The following CCR1 variants were observed in gnomAD, a reference collection of about 807,000 sequenced individuals.
CCR1 encodes the protein C-C motif chemokine receptor 1.
Under a neutral mutation model 0.3 loss-of-function variants are expected in CCR1, and 1 was observed. That is an observed-to-expected ratio of 3.70 (90% CI 1.31 to 17.54). The LOEUF is 17.54. Among genes scored for constraint, CCR1 ranks in the 30% most tolerant of loss-of-function variants. The probability of loss-of-function intolerance (pLI) is 0.11; values close to 1 mark genes in which losing one functional copy is unlikely to be tolerated. For missense variants in CCR1, 349 were observed against 435.4 expected (o/e 0.80, Z 1.77); for synonymous variants, 207 against 182.5 (o/e 1.13, Z -1.08).
At position 46,204,170 on chromosome 3, in the gene CCR1, G is replaced by C; in HGVS notation, c.144C>G (p.Gly48=). 1.2e-6 allele frequency: 2 copies of C among 1,614,112 alleles called. No individual in the cohort carries two copies. Among genetic ancestry groups the C allele is most frequent in the Non-Finnish European group, 1.7e-6 (2 of 1,180,016 alleles). The change falls in exon 2 of 2, where the codon GGC becomes GGG. Residue 48 remains glycine (G), a synonymous_variant. Coordinates refer to ENST00000296140, the MANE Select transcript of CCR1 (RefSeq NM_001295.3). The part of the protein sequence containing the change: ...PPLYSLVFVI[G]LVGNILVVLV... ...GGACCACCAGGATGTTTCCAACCAG[G>C]CCAATGACAAATACCAAGGAGTACA...
Position 46,204,143 on chromosome 3 carries a change from C to A in CCR1, c.171G>T (p.Leu57=). Residue 57 remains leucine, a synonymous_variant, in exon 2 of 2, where the codon CTG becomes CTT. Transcript: ENST00000296140. The part of the protein sequence containing the change: ...IGLVGNILVV[L]VLVQYKRLKN... The stretch of plus-strand genomic sequence containing the variant: ...TTAGCCTCTTGTATTGCACAAGGAC[C>A]AGGACCACCAGGATGTTTCCAACCA... 1 of 1,614,070 alleles carries A rather than the reference C, an allele frequency of 6.2e-7. No individual in the cohort carries two copies. The highest frequency in any genetic ancestry group is 8.5e-7 in the Non-Finnish European group (1 of 1,180,008).
Position 46,203,917 on chromosome 3 carries a change from G to C in CCR1, c.397C>G (p.Leu133Val), listed in dbSNP as rs372326161. 36 of 1,614,076 alleles carry C rather than the reference G, an allele frequency of 2.2e-5. No homozygotes were observed. The highest frequency in any genetic ancestry group is 2.9e-5 in the Non-Finnish European group (34 of 1,180,044). Residue 133 changes from leucine to valine, a missense_variant, in exon 2 of 2, where the codon CTG (leucine) becomes GTG (valine). Transcript: ENST00000296140. The surrounding 1 kb of genome is among the most constrained non-coding windows in gnomAD (Gnocchi z 4.5). ...GCAAACACGGCGTGGACGATGGCCA[G>C]GTACCTGTCAATCGTCAGCAGGATG... ...FIILLTIDRY[L>V]AIVHAVFALR...
Position 46,204,235 on chromosome 3 carries a change from C to T in CCR1, c.79G>A (p.Val27Met), listed in dbSNP as rs1699626792. 1 of 1,614,022 alleles carries T rather than the reference C, an allele frequency of 6.2e-7. No individual in the cohort carries two copies. The highest frequency in any genetic ancestry group is 1.3e-5 in the African/African-American group (1 of 75,024). The change falls in exon 2 of 2, where the codon GTG (valine) becomes ATG (methionine). Residue 27 changes from valine to methionine, a missense_variant. Physicochemically the swap from Val to Met is conservative, Grantham distance 21. Transcript: ENST00000296140. ...DYGDATPCQK[V>M]NERAFGAQLL... Reference sequence around the variant, plus strand: ...TGGGCCCCAAAGGCCCTCTCGTTCACCTTCTGGCACGGAGTTGCATCCCCA... The same window carrying T: ...TGGGCCCCAAAGGCCCTCTCGTTCATCTTCTGGCACGGAGTTGCATCCCCA...
At position 46,201,919 on chromosome 3, in the gene CCR1, G is replaced by A. The variant is rs201649876; in HGVS notation, c.*1327C>T. 1.4e-4 allele frequency: 22 copies of A among 152,318 alleles called. No homozygotes were observed. Among genetic ancestry groups the A allele is most frequent in the African/African-American group, 4.8e-4 (20 of 41,566 alleles). The allele number at this position is 152,318 out of a possible 1,614,324, so 9.4% of individuals were successfully genotyped here. On this transcript the variant is annotated 3_prime_UTR_variant, in exon 2 of 2. Transcript: ENST00000296140. ...TAGTGGAAGTGTAGGTAATGTCAGTGTTTGGGGTTTTTCTTTGAATTTTTA... is the reference window on the plus strand; with the variant it reads ...TAGTGGAAGTGTAGGTAATGTCAGTATTTGGGGTTTTTCTTTGAATTTTTA...
At chr3:46,208,161 T>C (rs2125921238) in intron 1 of CCR1, 121 bp downstream of exon 1, 1 of 152,348 alleles carries the variant, frequency 6.6e-6, no homozygotes, top group South Asian at 2.1e-4. Context: ...TACTTAGACA[T>C]TTGCCCAGCC....
intron 1 of CCR1, among the ~76,000 whole-genome samples, chr3:46,205,013 G>A (rs1699634344): frequency 6.6e-6 from 1 of 152,220 alleles, no homozygotes; most frequent in Admixed American, 6.5e-5. Context: ...AGCCGAGAGT[G>A]ACCTAGTACC....
chr3:46,204,330 G>C lies in CCR1; in HGVS notation c.-11-6C>G. On this transcript the variant is annotated splice_polypyrimidine_tract_variant and splice_region_variant and intron_variant, in intron 1 of 1. Coordinates refer to ENST00000296140, the MANE Select transcript of CCR1 (RefSeq NM_001295.3). ...AGTTTCCATCCCGGCTTCTCCTACA[G>C]GTTAAAAAAAAAAAAAAGATTTGTC... 1 of 1,462,458 alleles carries C rather than the reference G, an allele frequency of 6.8e-7. No homozygotes were observed. The highest frequency in any genetic ancestry group is 9.1e-7 in the Non-Finnish European group (1 of 1,100,536). The allele number at this position is 1,462,458 out of a possible 1,614,324, so 90.6% of individuals were successfully genotyped here.
chr3:46,204,947 T>G (rs1450076732), intron 1 of CCR1, among the ~76,000 whole-genome samples: 1 of 152,230 alleles, frequency 6.6e-6, no homozygotes, highest in East Asian at 1.9e-4. Flanking sequence ...AAAATGGTCC[T>G]GGCTCAGAGA....
At chr3:46,206,627 G>C (rs1237270618) in intron 1 of CCR1, among the ~76,000 whole-genome samples, 1 of 152,204 alleles carries the variant, frequency 6.6e-6, no homozygotes, top group East Asian at 1.9e-4. Context: ...AGTCAACATT[G>C]TCAGGTGGCA....
Position 46,203,795 on chromosome 3 carries a change from C to G in CCR1, c.519G>C (p.Lys173Asn). ...LASMPGLYFS[K>N]TQWEFTHHTC... ...TGTGGTGAGTGAATTCCCATTGGGT[C>G]TTGGAAAAGTATAAGCCTGGCATGG... The change falls in exon 2 of 2, where the codon AAG (lysine) becomes AAC (asparagine). Residue 173 changes from lysine to asparagine, a missense_variant. Transcript: ENST00000296140. The surrounding 1 kb of genome is among the most constrained non-coding windows in gnomAD (Gnocchi z 4.5). 6.2e-7 allele frequency: 1 copy of G among 1,614,144 alleles called. No individual in the cohort carries two copies. The highest frequency in any genetic ancestry group is 8.5e-7 in the Non-Finnish European group (1 of 1,180,028).
Position 46,203,753 on chromosome 3 carries a change from A to G in CCR1, c.561T>C (p.Phe187=), listed in dbSNP as rs1249536485. ...TCCACTCTCGTAGGCTTTCGTGAGG[A>G]AAGTGAAGGCTGCAGGTGTGGTGAG... ...EFTHHTCSLH[F]PHESLREWKL... Residue 187 remains phenylalanine, a synonymous_variant, in exon 2 of 2, where the codon TTT becomes TTC. Transcript: ENST00000296140. The surrounding 1 kb of genome is among the most constrained non-coding windows in gnomAD (Gnocchi z 4.5). 2 of 1,614,180 alleles carry G rather than the reference A, an allele frequency of 1.2e-6. No homozygotes were observed. The highest frequency in any genetic ancestry group is 8.5e-7 in the Non-Finnish European group (1 of 1,180,012).
At chr3:46,204,480 G>A (rs1559520472) in intron 1 of CCR1, among the ~76,000 whole-genome samples, 156 bp from the exon 2 acceptor site, 1 of 152,196 alleles carries the variant, frequency 6.6e-6, no homozygotes, top group Non-Finnish European at 1.5e-5. Flanking sequence ...GGACAAAATG[G>A]AGTGTTAGAG....
In CCR1 at chr3:46,203,191, A is replaced by G; in HGVS notation, c.*55T>C. The G allele has an allele frequency of 7.6e-7, 1 of 1,315,496 alleles. No individual in the cohort carries two copies. The highest frequency in any genetic ancestry group is 1.1e-6 in the Non-Finnish European group (1 of 934,264). The allele number at this position is 1,315,496 out of a possible 1,614,324, so 81.5% of individuals were successfully genotyped here. A position where few individuals can be genotyped will look rare whatever the true frequency, so the allele number is the denominator to read the frequency against. Reference sequence around the variant, plus strand: ...GCTGGGAGAGCCAGGCTGCTGGCTCAGTGTGCCTGGCAGGTCACGCCTGCT... The same window carrying G: ...GCTGGGAGAGCCAGGCTGCTGGCTCGGTGTGCCTGGCAGGTCACGCCTGCT... On this transcript the variant is annotated 3_prime_UTR_variant, in exon 2 of 2. Transcript: ENST00000296140. This position sits in a 1 kb window ranked among gnomAD's most constrained non-coding sequence, Gnocchi z 4.5.
Position 46,203,076 on chromosome 3 carries a change from C to A in CCR1, c.*170G>T. On this transcript the variant is annotated 3_prime_UTR_variant, in exon 2 of 2. Coordinates refer to ENST00000296140, the MANE Select transcript of CCR1 (RefSeq NM_001295.3). The surrounding 1 kb of genome is among the most constrained non-coding windows in gnomAD (Gnocchi z 4.5). ...GAAGTTCATGGAAAAGACTGAAGCCCCAGAAGCCTCAGAAGCCCCAGGCCA... is the reference window on the plus strand; with the variant it reads ...GAAGTTCATGGAAAAGACTGAAGCCACAGAAGCCTCAGAAGCCCCAGGCCA... 1.8e-6 allele frequency: 1 copy of A among 559,972 alleles called. No individual in the cohort carries two copies. The allele number at this position is 559,972 out of a possible 1,614,324, so 34.7% of individuals were successfully genotyped here.
rs1699610830 is a variant in CCR1, at chr3:46,202,962, T to G, written c.*284A>C. On this transcript the variant is annotated 3_prime_UTR_variant, in exon 2 of 2. Coordinates refer to ENST00000296140, the MANE Select transcript of CCR1 (RefSeq NM_001295.3). ...TGCTAATGGTCACAAATCTGAAATC[T>G]TGCTTGAGTCCAAGCCCTTCTCTGG... 5.6e-6 allele frequency: 2 copies of G among 356,540 alleles called. No homozygotes were observed. The highest frequency in any genetic ancestry group is 1.0e-5 in the Non-Finnish European group (2 of 195,424). 22.1% of individuals were successfully genotyped at this position (356,540 alleles called of 1,614,324 possible). A position where few individuals can be genotyped will look rare whatever the true frequency, so the allele number is the denominator to read the frequency against.
chr3:46,206,989 G>T lies in CCR1; in HGVS notation c.-12+1293C>A, dbSNP rs187500453. Among the ~76,000 whole-genome samples the T allele has an allele frequency of 2.0e-4, 30 of 152,260 alleles. No individual in the cohort carries two copies. The East Asian group carries it at 5.6e-3, about 28-fold the overall frequency. On this transcript the variant is annotated intron_variant, in intron 1 of 1. Coordinates refer to ENST00000296140, the MANE Select transcript of CCR1 (RefSeq NM_001295.3). Reference sequence around the variant, plus strand: ...ACCCAGGCCTATGGTGCGCTGGCTGGCTTATACTGGTTTATAAATGCCAAT... The same window carrying T: ...ACCCAGGCCTATGGTGCGCTGGCTGTCTTATACTGGTTTATAAATGCCAAT...
At position 46,203,523 on chromosome 3, in the gene CCR1, A is replaced by G; in HGVS notation, c.791T>C (p.Phe264Ser). ...CTCATGGGTGAACAGGAAGTCTTGG[A>G]AAACAGAAATAAGTATAGTCAAATT... ...PYNLTILISV[F>S]QDFLFTHECE... The change falls in exon 2 of 2, where the codon TTC (phenylalanine) becomes TCC (serine). Residue 264 changes from phenylalanine (F) to serine (S), a missense_variant. Transcript: ENST00000296140. The surrounding 1 kb of genome is among the most constrained non-coding windows in gnomAD (Gnocchi z 4.5). 6.2e-7 allele frequency: 1 copy of G among 1,614,204 alleles called. No individual in the cohort carries two copies. The highest frequency in any genetic ancestry group is 8.5e-7 in the Non-Finnish European group (1 of 1,180,032).
rs1699615374 is a variant in CCR1 at position 46,203,316 on chromosome 3, A to C, written c.998T>G (p.Val333Gly). Residue 333 changes from valine to glycine, a missense_variant, in exon 2 of 2, where the codon GTG (valine) becomes GGG (glycine). Transcript: ENST00000296140. This position sits in a 1 kb window ranked among gnomAD's most constrained non-coding sequence, Gnocchi z 4.5. ...GGAGCTGACCCTCTCCAGCCTGTCC[A>C]CGGAGAGGAAGGGGAGCCATTTAAC... Reference protein sequence around the residue: ...HLVKWLPFLSVDRLERVSSTS... With the variant: ...HLVKWLPFLSGDRLERVSSTS... 14 of 1,614,052 alleles carry C rather than the reference A, an allele frequency of 8.7e-6. No individual in the cohort carries two copies. The highest frequency in any genetic ancestry group is 1.2e-5 in the Non-Finnish European group (14 of 1,180,022).
At position 46,203,843 on chromosome 3, in the gene CCR1, A is replaced by G. The variant is rs1026400808; in HGVS notation, c.471T>C (p.Ile157=). 6.2e-7 allele frequency: 1 copy of G among 1,614,222 alleles called. No homozygotes were observed. Among genetic ancestry groups the G allele is most frequent in the Non-Finnish European group, 8.5e-7 (1 of 1,180,022 alleles). The change falls in exon 2 of 2, where the codon ATT becomes ATC. Residue 157 remains isoleucine (I), a synonymous_variant. Coordinates refer to ENST00000296140, the MANE Select transcript of CCR1 (RefSeq NM_001295.3). This position sits in a 1 kb window ranked among gnomAD's most constrained non-coding sequence, Gnocchi z 4.5. ...VTFGVITSII[I]WALAILASMP... is the part of the protein sequence containing the mutation. ...TGGAAGCCAAGATGGCCAGGGCCCAAATGATGATGCTGGTGATGACACCAA... is the reference window on the plus strand; with the variant it reads ...TGGAAGCCAAGATGGCCAGGGCCCAGATGATGATGCTGGTGATGACACCAA...
Sources: allele counts gnomAD v4.1 joint callset (sites outside exome capture counted in the v4.1 genomes callset), GRCh38; gene constraint gnomAD v4.1.1; non-coding constraint Gnocchi (gnomAD v3.1); transcripts MANE v1.5; gene names NCBI Gene and HGNC (gene_info 2026-07-23, HGNC 2026-07-21).